Variants in SORCS2 observed in about 807,000 individuals in gnomAD.
SORCS2 encodes the protein VPS10 domain-containing receptor SorCS2.
In SORCS2, 100 loss-of-function variants were observed where a neutral mutation model predicts 141.6. That is an observed-to-expected ratio of 0.71 (90% CI 0.60 to 0.83). The LOEUF is 0.83. Among genes scored for constraint, SORCS2 ranks in the 40% least tolerant of loss-of-function variants. SORCS2 has a pLI of 0.00. For synonymous variants in SORCS2, 789 were observed against 676.9 expected (o/e 1.17, Z -2.57); for missense variants, 1,646 against 1,560.2 (o/e 1.05, Z -0.93).
At chr4:7,264,126 G>A (rs967087570) in intron 1 of SORCS2, among the ~76,000 whole-genome samples, 3 of 152,214 alleles carry the variant, frequency 2.0e-5, no homozygotes, top group African/African-American at 7.2e-5. Flanking sequence ...GAGGTTACGG[G>A]AAGCAGTGGA....
At chr4:7,629,333 G>A (rs1156762176) in intron 3 of SORCS2, among the ~76,000 whole-genome samples, 1 of 152,186 alleles carries the variant, frequency 6.6e-6, no homozygotes, top group Non-Finnish European at 1.5e-5. Context: ...TCCGGAGCCA[G>A]AACATAGAGT....
chr4:7,530,881 G>A (rs1711578656), intron 2 of SORCS2, among the ~76,000 whole-genome samples: 1 of 152,188 alleles, frequency 6.6e-6, no homozygotes, highest in African/African-American at 2.4e-5. Flanking sequence ...CTCCCAGCAC[G>A]AGTCCAGCAG....
intron 2 of SORCS2, among the ~76,000 whole-genome samples, chr4:7,421,463 C>T (rs537584167): frequency 7.2e-5 from 11 of 152,284 alleles, no homozygotes; most frequent in Middle Eastern, 3.4e-3. Context: ...TGCTGGGTTG[C>T]GGGGTCCAGT....
intron 2 of SORCS2, among the ~76,000 whole-genome samples, chr4:7,486,596 C>T (rs1731003233): frequency 6.6e-6 from 1 of 152,190 alleles, no homozygotes; most frequent in African/African-American, 2.4e-5. Context: ...AACAGATGAC[C>T]CCAGACCTGA....
intron 2 of SORCS2, among the ~76,000 whole-genome samples, chr4:7,421,984 A>C (rs1726103255): frequency 6.6e-6 from 1 of 151,086 alleles, no homozygotes; most frequent in Admixed American, 6.6e-5. Context: ...GTCGACCCCC[A>C]CCTCCTCATC....
In SORCS2 at chr4:7,403,979, ATATATATATATATATATATTT is replaced by A. The variant is rs1421484187; in HGVS notation, c.548+7626_548+7646del. Among the ~76,000 whole-genome samples, 49 of 17,898 alleles carry A rather than the reference ATATATATATATATATATATTT, an allele frequency of 2.7e-3. 1 individual carries two copies. The highest frequency in any genetic ancestry group is 9.9e-3 in the African/African-American group (49 of 4,972). 11.7% of individuals were successfully genotyped at this position (17,898 alleles called of 152,430 possible). On this transcript the variant is annotated intron_variant, in intron 2 of 26. Coordinates refer to ENST00000507866, the MANE Select transcript of SORCS2 (RefSeq NM_020777.3). ...CATGTGTGTATATATATATATATAT[ATATATATATATATATATATTT>A]TTTTTTTTTTTTTAGTATCCATTTA...
chr4:7,276,456 GC>G (rs767563833), intron 1 of SORCS2, among the ~76,000 whole-genome samples: 36 of 152,202 alleles, frequency 2.4e-4, no homozygotes, highest in Non-Finnish European at 4.1e-4. Flanking sequence ...GTTCTGTTCA[GC>G]CCCCAAACCC....
intron 1 of SORCS2, among the ~76,000 whole-genome samples, chr4:7,225,842 G>T (rs1728959664): frequency 6.6e-6 from 1 of 152,208 alleles, no homozygotes; most frequent in Non-Finnish European, 1.5e-5. Context: ...CTGCTGCCAT[G>T]AGGCCTGTGC....
rs191659486 is a variant in SORCS2 at position 7,216,321 on chromosome 4, C to T, written c.480+23195C>T. 8.5e-5 allele frequency among the ~76,000 whole-genome samples: 13 copies of T among 152,324 alleles called. No individual in the cohort carries two copies. The East Asian group carries it at 2.3e-3, about 27-fold the overall frequency. On this transcript the variant is annotated intron_variant, in intron 1 of 26. Coordinates refer to ENST00000507866, the MANE Select transcript of SORCS2 (RefSeq NM_020777.3). ...CTCCACCGCCCAGCCCAGCACTGCT[C>T]CACCTGGGGTCTTCAGTGGTAGACG...
rs754681618 is a variant in SORCS2, at chr4:7,401,339, G to A, written c.548+4984G>A. ...GACAGATGGCTGGATAAATAGATGGGTGGATGGACTGATGGATGGACAGAT... is the reference window on the plus strand; with the variant it reads ...GACAGATGGCTGGATAAATAGATGGATGGATGGACTGATGGATGGACAGAT... On this transcript the variant is annotated intron_variant, in intron 2 of 26. Coordinates refer to ENST00000507866, the MANE Select transcript of SORCS2 (RefSeq NM_020777.3). Among the ~76,000 whole-genome samples, 52 of 151,648 alleles carry A rather than the reference G, an allele frequency of 3.4e-4. 1 individual carries two copies. Among genetic ancestry groups the A allele is most frequent in the Non-Finnish European group, 5.9e-5 (4 of 67,852 alleles).
chr4:7,452,920 A>G (rs1452126102), intron 2 of SORCS2, among the ~76,000 whole-genome samples: 644 of 61,626 alleles, frequency 0.01, 8 homozygotes, highest in African/African-American at 0.039. Flanking sequence ...TGCTGTGTTG[A>G]GGTCAGGAGC....
At chr4:7,237,720 T>A (rs1712382729) in intron 1 of SORCS2, among the ~76,000 whole-genome samples, 1 of 152,022 alleles carries the variant, frequency 6.6e-6, no homozygotes, top group African/African-American at 2.4e-5. Flanking sequence ...GGAATAATAA[T>A]ACCCAGTGGG....
chr4:7,484,413 G>A (rs1473334507), intron 2 of SORCS2, among the ~76,000 whole-genome samples: 2 of 152,164 alleles, frequency 1.3e-5, no homozygotes, highest in Non-Finnish European at 2.9e-5. Flanking sequence ...CTTTGTCACA[G>A]GGCCCAGCCG....
intron 2 of SORCS2, among the ~76,000 whole-genome samples, chr4:7,464,450 G>A (rs568383140): frequency 6.6e-6 from 1 of 152,316 alleles, no homozygotes; most frequent in East Asian, 1.9e-4. Flanking sequence ...AGGGCTGGTG[G>A]GAGCGGTGGT....
chr4:7,698,853 G>GTTT (rs758636989), intron 12 of SORCS2, among the ~76,000 whole-genome samples: 1 of 149,492 alleles, frequency 6.7e-6, no homozygotes, highest in Non-Finnish European at 1.5e-5. Flanking sequence ...GCTCCTGTGG[G>GTTT]TTTTTTTTTA....
In SORCS2 at chr4:7,667,288, C is replaced by T. The variant is rs557903431; in HGVS notation, c.1161+75C>T. ...TCCTGACTCATGGGGCAACAGGACT[C>T]ACACACAGGTGCTTGGCGGTCCCAG... On this transcript the variant is annotated intron_variant, in intron 8 of 26. Transcript: ENST00000507866. 268 of 1,370,080 alleles carry T rather than the reference C, an allele frequency of 2.0e-4. 4 individuals are homozygous for T. The South Asian group carries it at 3.0e-3, about 15-fold the overall frequency. 84.9% of individuals were successfully genotyped at this position (1,370,080 alleles called of 1,614,324 possible). A position where few individuals can be genotyped will look rare whatever the true frequency, so the allele number is the denominator to read the frequency against.
chr4:7,358,478 A>C (rs373720710), intron 1 of SORCS2, among the ~76,000 whole-genome samples: 11 of 152,378 alleles, frequency 7.2e-5, no homozygotes, highest in East Asian at 5.8e-4. Flanking sequence ...GGGATGCCAG[A>C]GTACTGAGCT....
At chr4:7,306,186 G>A (rs73796620) in intron 1 of SORCS2, among the ~76,000 whole-genome samples, 1,974 of 152,290 alleles carry the variant, frequency 0.013, 43 homozygotes, top group African/African-American at 0.045. Context: ...CAGGTGCAGC[G>A]GTGGGCACTG....
chr4:7,428,276 G>T (rs541492592), intron 2 of SORCS2, among the ~76,000 whole-genome samples: 2 of 152,346 alleles, frequency 1.3e-5, no homozygotes, highest in African/African-American at 2.4e-5. Flanking sequence ...ACACACAACC[G>T]CAGGGCGGCA....
Sources: gnomAD v4.1 joint callset for allele counts (sites outside exome capture counted in the v4.1 genomes callset) on GRCh38, gnomAD v4.1.1 for gene constraint, MANE v1.5 for transcripts, NCBI Gene and HGNC (gene_info 2026-07-23, HGNC 2026-07-21) for gene names.